The following TSHZ2 variants were observed in gnomAD, a reference collection of about 807,000 sequenced individuals.
The protein encoded by TSHZ2 is teashirt zinc finger homeobox 2, also known as teashirt homolog 2.
Under a neutral mutation model 74.4 loss-of-function variants are expected in TSHZ2, and 21 were observed. That is an observed-to-expected ratio of 0.28 (90% CI 0.20 to 0.41). The LOEUF (loss-of-function observed/expected upper bound fraction) is 0.41, where lower values mean the gene tolerates loss of function less well. Among genes scored for constraint, TSHZ2 ranks in the 10% least tolerant of loss-of-function variants. TSHZ2 has a pLI of 1.00. For missense variants in TSHZ2, 1,244 were observed against 1,293.5 expected (o/e 0.96, Z 0.59); for synonymous variants, 540 against 515.3 (o/e 1.05, Z -0.65).
At chr20:53,295,842 CT>C (rs1388550222) in intron 2 of TSHZ2, among the ~76,000 whole-genome samples, 2 of 152,054 alleles carry the variant, frequency 1.3e-5, no homozygotes, top group Admixed American at 6.6e-5. Context: ...TTGAGATTTT[CT>C]TTTTTGGAGC....
intron 2 of TSHZ2, among the ~76,000 whole-genome samples, chr20:53,311,526 A>G (rs1978784872): frequency 6.6e-6 from 1 of 152,250 alleles, no homozygotes; most frequent in Non-Finnish European, 1.5e-5. Context: ...AACACATGAA[A>G]CAAATCAGCC....
At chr20:53,341,767 A>G (rs954706422) in intron 2 of TSHZ2, among the ~76,000 whole-genome samples, 6 of 151,996 alleles carry the variant, frequency 3.9e-5, no homozygotes, top group Admixed American at 1.3e-4. Context: ...CTGGAGTGCA[A>G]TGATGTGACC....
intron 1 of TSHZ2, among the ~76,000 whole-genome samples, chr20:53,184,709 C>A (rs1006494957): frequency 6.6e-6 from 1 of 151,900 alleles, no homozygotes; most frequent in Non-Finnish European, 1.5e-5. Flanking sequence ...TTTAATTTTT[C>A]TAATTTTATA....
chr20:53,064,119 T>C (rs545054304), intron 1 of TSHZ2, among the ~76,000 whole-genome samples: 57 of 152,340 alleles, frequency 3.7e-4, no homozygotes, highest in African/African-American at 1.0e-3. Flanking sequence ...ATCAGCAAGA[T>C]AGTCAACAGG....
At chr20:53,150,683 AAAGG>A (rs925309076) in intron 1 of TSHZ2, among the ~76,000 whole-genome samples, 3 of 152,090 alleles carry the variant, frequency 2.0e-5, no homozygotes, top group South Asian at 2.1e-4. Context: ...AAGAAAGGAA[AAAGG>A]AAGGAAGGAG....
intron 2 of TSHZ2, among the ~76,000 whole-genome samples, chr20:53,476,345 C>A (rs1330201508): frequency 6.8e-6 from 1 of 146,702 alleles, no homozygotes; most frequent in Non-Finnish European, 1.5e-5. Context: ...GGATGCAAGG[C>A]TGGTTCAATA....
At chr20:53,184,365 C>T (rs759424762) in intron 1 of TSHZ2, among the ~76,000 whole-genome samples, 2 of 152,136 alleles carry the variant, frequency 1.3e-5, no homozygotes, top group Non-Finnish European at 2.9e-5. Context: ...ATTTGACTGA[C>T]TTTTTCTGAA....
intron 2 of TSHZ2, among the ~76,000 whole-genome samples, chr20:53,441,433 G>A (rs145302092): frequency 1.1e-3 from 160 of 151,362 alleles, no homozygotes; most frequent in African/African-American, 3.7e-3. Flanking sequence ...AACCGGCTAG[G>A]TTTTCTTTTT....
chr20:53,442,035 T>C (rs921274613), intron 2 of TSHZ2, among the ~76,000 whole-genome samples: 4 of 152,064 alleles, frequency 2.6e-5, no homozygotes, highest in Admixed American at 2.6e-4. Flanking sequence ...GTTGAGTGTG[T>C]TGGGTTGGGC....
chr20:53,192,410 G>A (rs1988757507), intron 1 of TSHZ2, among the ~76,000 whole-genome samples: 1 of 152,104 alleles, frequency 6.6e-6, no homozygotes, highest in Non-Finnish European at 1.5e-5. Flanking sequence ...ACAGGGCCTG[G>A]CACAGAGCAA....
At chr20:53,005,597 C>A (rs1424573709) in intron 1 of TSHZ2, among the ~76,000 whole-genome samples, 1 of 152,146 alleles carries the variant, frequency 6.6e-6, no homozygotes, top group African/African-American at 2.4e-5. Context: ...TGATGAGAAG[C>A]TGAATAAATT....
intron 1 of TSHZ2, among the ~76,000 whole-genome samples, chr20:53,185,109 CA>C (rs1988570021): frequency 6.6e-6 from 1 of 152,168 alleles, no homozygotes; most frequent in Admixed American, 6.5e-5. Flanking sequence ...TTTGTTTATA[CA>C]TTTTTTAAAA....
At chr20:53,011,738 C>T (rs987065111) in intron 1 of TSHZ2, among the ~76,000 whole-genome samples, 1 of 152,056 alleles carries the variant, frequency 6.6e-6, no homozygotes, top group Non-Finnish European at 1.5e-5. Context: ...TTAAAATCTC[C>T]CCAGAGTCAG....
At chr20:53,188,859 A>T (rs553218741) in intron 1 of TSHZ2, among the ~76,000 whole-genome samples, 2 of 152,300 alleles carry the variant, frequency 1.3e-5, no homozygotes, top group East Asian at 3.9e-4. Flanking sequence ...CAATATTTTA[A>T]ATTATATACC....
intron 2 of TSHZ2, among the ~76,000 whole-genome samples, chr20:53,478,536 T>G (rs1986052016): frequency 7.4e-6 from 1 of 135,268 alleles, no homozygotes; most frequent in African/African-American, 2.7e-5. Context: ...GGGGGAGGGA[T>G]AGCATTGGGA....
At chr20:53,423,918 A>C (rs1360062906) in intron 2 of TSHZ2, among the ~76,000 whole-genome samples, 1 of 152,210 alleles carries the variant, frequency 6.6e-6, no homozygotes, top group Non-Finnish European at 1.5e-5. Context: ...TGGTGCTGTT[A>C]GCGCCTACAG....
chr20:53,086,004 G>C (rs1985688425), intron 1 of TSHZ2, among the ~76,000 whole-genome samples: 1 of 152,170 alleles, frequency 6.6e-6, no homozygotes, highest in Admixed American at 6.5e-5. Context: ...GTCTCCAGCT[G>C]TTCCTCATCC....
intron 2 of TSHZ2, among the ~76,000 whole-genome samples, chr20:53,295,431 T>TGTGTGC (rs1555847282): frequency 2.0e-5 from 3 of 151,912 alleles, no homozygotes; most frequent in Non-Finnish European, 2.9e-5. Flanking sequence ...TGTGTGTGTG[T>TGTGTGC]GCACGTGTAT....
intron 1 of TSHZ2, among the ~76,000 whole-genome samples, chr20:53,227,678 A>G (rs1989716651): frequency 6.6e-6 from 1 of 152,170 alleles, no homozygotes; most frequent in Non-Finnish European, 1.5e-5. Flanking sequence ...TAGCTGCCCT[A>G]CAGCATTGCA....
Sources: gnomAD v4.1 joint callset for allele counts (sites outside exome capture counted in the v4.1 genomes callset) on GRCh38, gnomAD v4.1.1 for gene constraint, MANE v1.5 for transcripts, NCBI Gene and HGNC (gene_info 2026-07-23, HGNC 2026-07-21) for gene names.